SAR1A: variants seen among roughly 807,000 people sequenced by gnomAD.
The protein encoded by SAR1A is small COPII coat GTPase SAR1A.
In SAR1A, 6 loss-of-function variants were observed where a neutral mutation model predicts 22.6. That is an observed-to-expected ratio of 0.27 (90% CI 0.15 to 0.52). The LOEUF (loss-of-function observed/expected upper bound fraction) is 0.52, where lower values mean the gene tolerates loss of function less well. Ranked by LOEUF, SAR1A falls within the 20% of genes least tolerant of loss-of-function variation. The probability of loss-of-function intolerance (pLI) is 0.96; values close to 1 mark genes in which losing one functional copy is unlikely to be tolerated. For synonymous variants in SAR1A, 70 were observed against 82.2 expected (o/e 0.85, Z 0.80); for missense variants, 145 against 245.1 (o/e 0.59, Z 2.73).
chr10:70,152,310 A>G lies in SAR1A; in HGVS notation c.*166T>C. The G allele has an allele frequency of 2.2e-6, 2 of 918,566 alleles. No homozygotes were observed. The highest frequency in any genetic ancestry group is 3.4e-6 in the Non-Finnish European group (2 of 593,162). 56.9% of individuals were successfully genotyped at this position (918,566 alleles called of 1,614,324 possible). A position where few individuals can be genotyped will look rare whatever the true frequency, so the allele number is the denominator to read the frequency against. Reference sequence around the variant, plus strand: ...ATTACCTCCCAACAGTGTGGAGAAGAGCACATGTCACCACTGGGCAATGAG... The same window carrying G: ...ATTACCTCCCAACAGTGTGGAGAAGGGCACATGTCACCACTGGGCAATGAG... On this transcript the variant is annotated 3_prime_UTR_variant, in exon 7 of 7. Transcript: ENST00000373241.
intron 1 of SAR1A, among the ~76,000 whole-genome samples, chr10:70,165,281 A>G (rs987707648): frequency 4.6e-5 from 7 of 152,058 alleles, no homozygotes; most frequent in South Asian, 4.1e-4. Flanking sequence ...AAAAAAAAAA[A>G]AAAAGAAATA....
intron 4 of SAR1A, among the ~76,000 whole-genome samples, chr10:70,158,983 C>A (rs1206933149): frequency 6.6e-6 from 1 of 152,208 alleles, no homozygotes; most frequent in Admixed American, 6.5e-5. Flanking sequence ...ATAAAACCAT[C>A]TGGCGTCTGG....
intron 5 of SAR1A, among the ~76,000 whole-genome samples, chr10:70,157,232 G>A (rs964958262): frequency 1.3e-4 from 19 of 151,862 alleles, no homozygotes; most frequent in Non-Finnish European, 2.2e-4. Flanking sequence ...GTGAAACTCC[G>A]TCGCTACTAA....
In SAR1A at chr10:70,149,001, A is replaced by G. The variant is rs1839296363; in HGVS notation, c.*3475T>C. On this transcript the variant is annotated 3_prime_UTR_variant, in exon 7 of 7. Transcript: ENST00000373241. ...TGGACTGAGCCTAATCTTATTTTCCACTCTGCCTCAAACAAAACAACTCAT... is the reference window on the plus strand; with the variant it reads ...TGGACTGAGCCTAATCTTATTTTCCGCTCTGCCTCAAACAAAACAACTCAT... 1 of 58,316 alleles carries G rather than the reference A, an allele frequency of 1.7e-5. No homozygotes were observed. Among genetic ancestry groups the G allele is most frequent in the South Asian group, 6.2e-4 (1 of 1,604 alleles). 3.6% of individuals were successfully genotyped at this position (58,316 alleles called of 1,614,324 possible). A position where few individuals can be genotyped will look rare whatever the true frequency, so the allele number is the denominator to read the frequency against.
intron 1 of SAR1A, chr10:70,163,789 T>C (rs1839508337): frequency 1.6e-6 from 2 of 1,213,270 alleles, no homozygotes; most frequent in Admixed American, 3.4e-5. Flanking sequence ...AACTAGGAAC[T>C]GTAATGAGGT....
chr10:70,165,724 AAAACTTACTTGAGTTTACAT>A (rs1217976402), intron 1 of SAR1A, among the ~76,000 whole-genome samples: 6 of 152,240 alleles, frequency 3.9e-5, no homozygotes, highest in Non-Finnish European at 7.3e-5. Context: ...GAAAATTACA[AAAACTTACTTGAGTTTACAT>A]AAACTTACTT....
intron 4 of SAR1A, 115 bp downstream of exon 4, chr10:70,160,889 A>G (rs1406136037): frequency 3.0e-6 from 2 of 663,440 alleles, no homozygotes. Context: ...ATAAGATCCT[A>G]ATTCTAAAAT....
Position 70,151,279 on chromosome 10 carries a change from A to AAAAAAAAAAAAG in SAR1A, c.*1196_*1197insCTTTTTTTTTTT, listed in dbSNP as rs1839324080. On this transcript the variant is annotated 3_prime_UTR_variant, in exon 7 of 7. Transcript: ENST00000373241. ...CATACCAAAAAAAAAAAAAAAAAAA[A>AAAAAAAAAAAAG]AAAAACCTGGAAAAGCTACAGATGT... The AAAAAAAAAAAAG allele has an allele frequency of 1.5e-5, 2 of 132,598 alleles. No individual in the cohort carries two copies. The highest frequency in any genetic ancestry group is 3.3e-5 in the Non-Finnish European group (2 of 59,764). The allele number at this position is 132,598 out of a possible 1,614,324, so 8.2% of individuals were successfully genotyped here.
rs1327018667 is a variant in SAR1A, at chr10:70,149,484, T to C, written c.*2992A>G. 2 of 151,450 alleles carry C rather than the reference T, an allele frequency of 1.3e-5. No homozygotes were observed. The highest frequency in any genetic ancestry group is 1.5e-5 in the Non-Finnish European group (1 of 67,906). 9.4% of individuals were successfully genotyped at this position (151,450 alleles called of 1,614,324 possible). On this transcript the variant is annotated 3_prime_UTR_variant, in exon 7 of 7. Transcript: ENST00000373241. Reference sequence around the variant, plus strand: ...CATTTGGGTTTTTGTAAAAGCAGTCTTCCTACAAGCCTAGTAAAGGAAATT... The same window carrying C: ...CATTTGGGTTTTTGTAAAAGCAGTCCTCCTACAAGCCTAGTAAAGGAAATT...
At chr10:70,164,146 G>A (rs990881312) in intron 1 of SAR1A, 7 of 692,630 alleles carry the variant, frequency 1.0e-5, no homozygotes, top group Admixed American at 2.2e-5. Flanking sequence ...TGTACAGAAT[G>A]TGTTAAATTT....
At chr10:70,165,709 A>G (rs1489595053) in intron 1 of SAR1A, among the ~76,000 whole-genome samples, 2 of 152,220 alleles carry the variant, frequency 1.3e-5, no homozygotes, top group African/African-American at 4.8e-5. Flanking sequence ...GACACCAACA[A>G]TTTAGAAAAT....
intron 1 of SAR1A, among the ~76,000 whole-genome samples, chr10:70,162,421 G>GGGAAAGGGAAAGGAAAGGAAA (rs1554827414): frequency 1.7e-5 from 2 of 115,472 alleles, no homozygotes; most frequent in South Asian, 3.6e-4. Flanking sequence ...GAAAGGGAAA[G>GGGAAAGGGAAAGGAAAGGAAA]GGAAAGGAAA....
At position 70,150,187 on chromosome 10, in the gene SAR1A, A is replaced by T. The variant is rs1437002715; in HGVS notation, c.*2289T>A. The T allele has an allele frequency of 6.6e-6, 1 of 152,206 alleles. No homozygotes were observed. Among genetic ancestry groups the T allele is most frequent in the Non-Finnish European group, 1.5e-5 (1 of 68,038 alleles). The allele number at this position is 152,206 out of a possible 1,614,324, so 9.4% of individuals were successfully genotyped here. Reference sequence around the variant, plus strand: ...GCTCAGAACAAACCAATGAAAAAAAAAAAAGGAAATAGCGTATTTGTTTTA... The same window carrying T: ...GCTCAGAACAAACCAATGAAAAAAATAAAAGGAAATAGCGTATTTGTTTTA... On this transcript the variant is annotated 3_prime_UTR_variant, in exon 7 of 7. Transcript: ENST00000373241.
intron 6 of SAR1A, among the ~76,000 whole-genome samples, chr10:70,153,444 C>T (rs1839351852): frequency 6.6e-6 from 1 of 152,108 alleles, no homozygotes; most frequent in Non-Finnish European, 1.5e-5. Flanking sequence ...TAATCAAGTG[C>T]TTTGATTTCA....
chr10:70,147,550 A>G lies in SAR1A; in HGVS notation c.*4926T>C, dbSNP rs966100829. Reference sequence around the variant, plus strand: ...AGACATTGAAATTTTAATTTCATACAATTTTTTGTGTCCAAAAATAGCATT... The same window carrying G: ...AGACATTGAAATTTTAATTTCATACGATTTTTTGTGTCCAAAAATAGCATT... On this transcript the variant is annotated 3_prime_UTR_variant, in exon 7 of 7. Transcript: ENST00000373241. The G allele has an allele frequency of 2.6e-5, 4 of 152,226 alleles. No individual in the cohort carries two copies. Among genetic ancestry groups the G allele is most frequent in the Non-Finnish European group, 5.9e-5 (4 of 68,036 alleles). 9.4% of individuals were successfully genotyped at this position (152,226 alleles called of 1,614,324 possible).
intron 6 of SAR1A, among the ~76,000 whole-genome samples, chr10:70,153,126 AAGTC>A (rs1398646272): frequency 6.6e-6 from 1 of 152,238 alleles, no homozygotes; most frequent in Non-Finnish European, 1.5e-5. Flanking sequence ...CCATGTAAAA[AAGTC>A]AGAAAGTTAT....
intron 1 of SAR1A, 115 bp downstream of exon 1, chr10:70,170,298 T>C (rs1839609317): frequency 7.6e-6 from 1 of 131,432 alleles, no homozygotes; most frequent in African/African-American, 3.0e-5. Context: ...ACCGCCTGCG[T>C]GTCACTTCCC....
chr10:70,156,391 A>C (rs1839386449), intron 5 of SAR1A, among the ~76,000 whole-genome samples: 1 of 152,240 alleles, frequency 6.6e-6, no homozygotes, highest in Non-Finnish European at 1.5e-5. Flanking sequence ...GAGACCATGC[A>C]TGGTGGCTCA....
intron 1 of SAR1A, chr10:70,164,009 G>A (rs1839512009): frequency 1.0e-6 from 1 of 957,312 alleles, no homozygotes; most frequent in Non-Finnish European, 1.7e-6. Context: ...TTCACCATGT[G>A]ATGACAAACC....
Sources: allele counts gnomAD v4.1 joint callset (sites outside exome capture counted in the v4.1 genomes callset), GRCh38; gene constraint gnomAD v4.1.1; transcripts MANE v1.5; gene names NCBI Gene and HGNC (gene_info 2026-07-23, HGNC 2026-07-21).